Variants in ATP10B observed in about 807,000 individuals in gnomAD.
ATP10B encodes the protein ATPase phospholipid transporting 10B (putative), also known as phospholipid-transporting ATPase VB.
Under a neutral mutation model 141.2 loss-of-function variants are expected in ATP10B, and 122 were observed. The ratio of observed to expected loss-of-function variants is 0.86; its 90% CI spans 0.75 to 1.00. ATP10B has a LOEUF of 1.00. ATP10B is among the 50% of genes least tolerant of loss of function. The pLI is 0.00. For synonymous variants in ATP10B, 685 were observed against 692.0 expected, an observed-to-expected ratio of 0.99 and a Z score of 0.16; for missense variants, 1,876 against 1,825.3, an observed-to-expected ratio of 1.03 and a Z score of -0.51.
chr5:160,587,025 T>A (rs1755953827), intron 24 of ATP10B, among the ~76,000 whole-genome samples: 1 of 152,208 alleles, frequency 6.6e-6, no homozygotes, highest in African/African-American at 2.4e-5. Context: ...AATCTTTGCC[T>A]GTGCCTATGT....
At position 160,644,184 on chromosome 5, in the gene ATP10B, G is replaced by A. The variant is rs770203828; in HGVS notation, c.822C>T (p.Cys274=). Residue 274 remains cysteine, a synonymous_variant, in exon 9 of 26, where the codon TGC becomes TGT. Transcript: ENST00000327245. Reference sequence around the variant, plus strand: ...CAGCCATCTCGGTGTTTCTGATGGTGCAGCCTCGAAGCAGAAGACTCTCAC... The same window carrying A: ...CAGCCATCTCGGTGTTTCTGATGGTACAGCCTCGAAGCAGAAGACTCTCAC... The part of the protein sequence containing the change: ...FGCESLLLRG[C]TIRNTEMAVG... The A allele has an allele frequency of 1.9e-6, 3 of 1,613,890 alleles. No homozygotes were observed. Among genetic ancestry groups the A allele is most frequent in the South Asian group, 1.1e-5 (1 of 91,060 alleles).
intron 3 of ATP10B, among the ~76,000 whole-genome samples, chr5:160,699,644 A>T (rs1273660399): frequency 3.3e-5 from 5 of 152,160 alleles, no homozygotes; most frequent in Non-Finnish European, 7.4e-5. Context: ...TGGAGTGAGA[A>T]AAACTGATAT....
intron 15 of ATP10B, among the ~76,000 whole-genome samples, chr5:160,618,363 T>C (rs1758144448): frequency 6.6e-6 from 1 of 152,244 alleles, no homozygotes; most frequent in Non-Finnish European, 1.5e-5. Flanking sequence ...TATTGTTACC[T>C]AAGGTGTTTT....
chr5:160,620,506 CCT>C lies in ATP10B; in HGVS notation c.2255_2256del (p.Gln752ArgfsTer15). Reference protein sequence around the residue: ...TPEQVTVRLPQGTCLTFSLLC... With the variant: ...TPEQVTVRLPXGTCLTFSLLC... ...AGGAGGCTGAAGGTGAGGCAGGTGC[CCT>C]GGGGCAGGCGCACAGTCACCTGCTC... is the stretch of plus-strand genomic sequence containing the variant. On this transcript the variant is annotated frameshift_variant, in exon 15 of 26. Transcript: ENST00000327245. LOFTEE classifies it high-confidence loss of function. The C allele has an allele frequency of 6.2e-7, 1 of 1,614,172 alleles. No homozygotes were observed. Among genetic ancestry groups the C allele is most frequent in the Non-Finnish European group, 8.5e-7 (1 of 1,180,034 alleles).
intron 17 of ATP10B, 71 bp downstream of exon 17, chr5:160,615,767 C>A: frequency 6.4e-7 from 1 of 1,568,142 alleles, no homozygotes; most frequent in Admixed American, 1.7e-5. Context: ...GTGTCAGAAT[C>A]GGGGCCAAGA....
the ATP10B span, among the ~76,000 whole-genome samples, chr5:160,879,642 T>A: frequency 6.6e-6 from 1 of 151,488 alleles, no homozygotes; most frequent in South Asian, 2.1e-4. Flanking sequence ...ATGGAGACCA[T>A]CCTGGCCAAC....
At chr5:160,778,882 T>C (rs1288451667) in intron 2 of ATP10B, among the ~76,000 whole-genome samples, 3 of 152,202 alleles carry the variant, frequency 2.0e-5, no homozygotes, top group African/African-American at 7.2e-5. Context: ...TGTTCCTTAT[T>C]AGCTGTGCTA....
At chr5:160,840,506 T>C (rs1225438371) in intron 1 of ATP10B, among the ~76,000 whole-genome samples, 2 of 152,074 alleles carry the variant, frequency 1.3e-5, no homozygotes, top group African/African-American at 4.8e-5. Context: ...TAACCATTTT[T>C]TCACAAATAG....
intron 7 of ATP10B, among the ~76,000 whole-genome samples, chr5:160,652,881 ATATATAAT>A (rs1436200860): frequency 1.1e-5 from 1 of 90,700 alleles, no homozygotes; most frequent in Non-Finnish European, 2.0e-5. Flanking sequence ...TATATAATAT[ATATATAAT>A]TATATAATAT....
chr5:160,799,552 T>G (rs1772220324), intron 1 of ATP10B, among the ~76,000 whole-genome samples: 1 of 151,746 alleles, frequency 6.6e-6, no homozygotes, highest in Admixed American at 6.6e-5. Flanking sequence ...GAAAAGTGCT[T>G]ATTTGAGGGC....
At chr5:160,794,577 A>T (rs941097581) in intron 1 of ATP10B, among the ~76,000 whole-genome samples, 2 of 152,204 alleles carry the variant, frequency 1.3e-5, no homozygotes, top group Non-Finnish European at 2.9e-5. Flanking sequence ...CTGTGGTGGT[A>T]CATTTTGGCA....
At chr5:160,926,511 G>T in the ATP10B span, among the ~76,000 whole-genome samples, 1 of 152,142 alleles carries the variant, frequency 6.6e-6, no homozygotes, top group Admixed American at 6.6e-5. Flanking sequence ...AGGATCACAG[G>T]AGCCAACCTG....
At chr5:160,866,536 G>A in the ATP10B span, among the ~76,000 whole-genome samples, 2 of 152,198 alleles carry the variant, frequency 1.3e-5, no homozygotes, top group East Asian at 3.9e-4. Context: ...AGCCATGTTT[G>A]TTGGTGCATG....
chr5:160,571,092 GCTGGAAT>G (rs1286422295), intron 24 of ATP10B, among the ~76,000 whole-genome samples: 2 of 152,070 alleles, frequency 1.3e-5, no homozygotes, highest in Non-Finnish European at 2.9e-5. Flanking sequence ...GTTTTGCTGA[GCTGGAAT>G]CTTTCATCAC....
At chr5:160,814,788 C>T (rs1336075152) in intron 1 of ATP10B, among the ~76,000 whole-genome samples, 4 of 147,774 alleles carry the variant, frequency 2.7e-5, no homozygotes, top group African/African-American at 7.3e-5. Context: ...GCTGATCTCT[C>T]AGCAGAAACT....
chr5:160,645,506 T>G lies in ATP10B; in HGVS notation c.762-1262A>C, dbSNP rs537584105. Among the ~76,000 whole-genome samples the G allele has an allele frequency of 1.4e-4, 21 of 152,284 alleles. No homozygotes were observed. In the South Asian group the frequency reaches 4.4e-3, roughly 32 times the overall value. Reference sequence around the variant, plus strand: ...GCTCATAAAATAGACCTCACAGGAGTGGCCCTTTGCCCAAATTATTGGGAG... The same window carrying G: ...GCTCATAAAATAGACCTCACAGGAGGGGCCCTTTGCCCAAATTATTGGGAG... On this transcript the variant is annotated intron_variant, in intron 8 of 25. Transcript: ENST00000327245.
At chr5:160,631,311 T>C (rs1016906623) in intron 13 of ATP10B, among the ~76,000 whole-genome samples, 8 of 152,012 alleles carry the variant, frequency 5.3e-5, no homozygotes, top group East Asian at 1.9e-4. Flanking sequence ...GCAGAAGCCC[T>C]GGTCTTGCCT....
the ATP10B span, among the ~76,000 whole-genome samples, chr5:160,884,375 A>AT: frequency 2.0e-5 from 3 of 152,228 alleles, no homozygotes; most frequent in African/African-American, 7.2e-5. Context: ...GGGGACTGAC[A>AT]TGTATAAAGA....
chr5:160,802,216 T>C (rs1050281382), intron 1 of ATP10B, among the ~76,000 whole-genome samples: 17 of 152,214 alleles, frequency 1.1e-4, no homozygotes, highest in African/African-American at 4.1e-4. Context: ...CTGAGGAAGA[T>C]GACCACCTCA....
Sources: gnomAD v4.1 joint callset for allele counts (sites outside exome capture counted in the v4.1 genomes callset) on GRCh38, gnomAD v4.1.1 for gene constraint, MANE v1.5 for transcripts, NCBI Gene and HGNC (gene_info 2026-07-23, HGNC 2026-07-21) for gene names.